Variants in CYP39A1 observed in about 807,000 individuals in gnomAD.
CYP39A1 encodes cytochrome P450 family 39 subfamily A member 1, also known as 24-hydroxycholesterol 7-alpha-hydroxylase.
A neutral mutation model predicts 58.1 loss-of-function variants in CYP39A1; 49 were observed. The ratio of observed to expected loss-of-function variants is 0.84; its 90% CI spans 0.67 to 1.07. The LOEUF is 1.07. Among genes scored for constraint, CYP39A1 ranks in the 50% least tolerant of loss-of-function variants. CYP39A1 has a pLI of 0.00. For synonymous variants in CYP39A1, 209 were observed against 187.6 expected (o/e 1.11, Z -0.93); for missense variants, 531 against 539.4 (o/e 0.98, Z 0.16).
At chr6:46,650,253 A>T (rs1762592881) in intron 1 of CYP39A1, among the ~76,000 whole-genome samples, 2 of 151,972 alleles carry the variant, frequency 1.3e-5, no homozygotes, top group South Asian at 4.2e-4. Flanking sequence ...GACTTGAGAA[A>T]ACAGTGAAAA....
At chr6:46,603,364 C>A (rs1773632941) in intron 7 of CYP39A1, among the ~76,000 whole-genome samples, 1 of 152,198 alleles carries the variant, frequency 6.6e-6, no homozygotes, top group Non-Finnish European at 1.5e-5. Context: ...ATAAATTGAC[C>A]ATTTTCTGTG....
chr6:46,571,552 G>A (rs971075529), intron 10 of CYP39A1, among the ~76,000 whole-genome samples: 1 of 151,668 alleles, frequency 6.6e-6, no homozygotes, highest in Non-Finnish European at 1.5e-5. Context: ...GCTGTCTTTT[G>A]GTTTACATTT....
At chr6:46,570,361 C>T (rs1582309727) in intron 10 of CYP39A1, among the ~76,000 whole-genome samples, 1 of 152,088 alleles carries the variant, frequency 6.6e-6, no homozygotes, top group South Asian at 2.1e-4. Context: ...TTCCATATGT[C>T]TGCCAACTTT....
At chr6:46,564,065 T>C (rs896411489) in intron 10 of CYP39A1, among the ~76,000 whole-genome samples, 2 of 151,786 alleles carry the variant, frequency 1.3e-5, no homozygotes, top group Non-Finnish European at 2.9e-5. Context: ...CATCTGATGC[T>C]GAGGTGAAGG....
At chr6:46,608,854 T>C (rs1414745213) in intron 7 of CYP39A1, among the ~76,000 whole-genome samples, 1 of 151,904 alleles carries the variant, frequency 6.6e-6, no homozygotes, top group Non-Finnish European at 1.5e-5. Flanking sequence ...CCTCAGGTGA[T>C]CCACCCACCT....
intron 7 of CYP39A1, among the ~76,000 whole-genome samples, chr6:46,598,525 G>A (rs1401573072): frequency 9.2e-5 from 14 of 152,082 alleles, no homozygotes. Flanking sequence ...ATTTTACTTA[G>A]TTTACATTTT....
rs376831592 is a variant in CYP39A1, at chr6:46,651,113, A to T, written c.177+1293T>A. Among the ~76,000 whole-genome samples, 8 of 152,370 alleles carry T rather than the reference A, an allele frequency of 5.3e-5. No homozygotes were observed. The East Asian group carries it at 1.4e-3, about 26-fold the overall frequency. On this transcript the variant is annotated intron_variant, in intron 1 of 11. Coordinates refer to ENST00000275016, the MANE Select transcript of CYP39A1 (RefSeq NM_016593.5). ...ATACTTCTTTTTCCAAAAGTAACAC[A>T]TTCATATAAACAATTTAAGTGTGCA...
intron 7 of CYP39A1, among the ~76,000 whole-genome samples, chr6:46,610,992 A>G (rs183523495): frequency 7.2e-5 from 11 of 152,228 alleles, no homozygotes; most frequent in Admixed American, 1.3e-4. Context: ...TGGTGAATAC[A>G]GACTGGGGAA....
Position 46,550,151 on chromosome 6 carries a change from C to A in CYP39A1, c.*215G>T. 2.6e-6 allele frequency: 1 copy of A among 379,780 alleles called. No individual in the cohort carries two copies. The highest frequency in any genetic ancestry group is 4.7e-6 in the Non-Finnish European group (1 of 213,310). 23.5% of individuals were successfully genotyped at this position (379,780 alleles called of 1,614,324 possible). On this transcript the variant is annotated 3_prime_UTR_variant, in exon 12 of 12. Coordinates refer to ENST00000275016, the MANE Select transcript of CYP39A1 (RefSeq NM_016593.5). ...GGATCATTTGATCATTTCCTATAAA[C>A]CATGTATTCCGGTCTCTATATTACT...
intron 1 of CYP39A1, among the ~76,000 whole-genome samples, chr6:46,644,610 C>G (rs552803168): frequency 6.6e-6 from 1 of 152,266 alleles, no homozygotes; most frequent in Admixed American, 6.5e-5. Flanking sequence ...CCATAAACAT[C>G]CATATCTGGG....
Position 46,616,179 on chromosome 6 carries a change from CTTTCTTTCTTCT to C in CYP39A1, c.931+9227_931+9238del, listed in dbSNP as rs1561994052. Among the ~76,000 whole-genome samples the C allele has an allele frequency of 5.3e-4, 16 of 30,358 alleles. 1 individual carries two copies. Among genetic ancestry groups the C allele is most frequent in the East Asian group, 1.0e-3 (1 of 978 alleles). The allele number at this position is 30,358 out of a possible 152,430, so 19.9% of individuals were successfully genotyped here. A position where few individuals can be genotyped will look rare whatever the true frequency, so the allele number is the denominator to read the frequency against. ...TTCTTTCTTTTTTCTTTCTTTCTTT[CTTTCTTTCTTCT>C]TTCCCTCCCTCCCTCCCTCCCTCCC... On this transcript the variant is annotated intron_variant, in intron 7 of 11. Coordinates refer to ENST00000275016, the MANE Select transcript of CYP39A1 (RefSeq NM_016593.5).
intron 4 of CYP39A1, 148 bp from the exon 5 acceptor site, chr6:46,636,630 C>G (rs1352891555): frequency 1.6e-6 from 1 of 609,018 alleles, no homozygotes; most frequent in Non-Finnish European, 2.8e-6. Flanking sequence ...GAAGGTCTAC[C>G]TTCGGAATGA....
intron 1 of CYP39A1, among the ~76,000 whole-genome samples, chr6:46,647,815 T>C (rs1048551145): frequency 6.6e-6 from 1 of 152,214 alleles, no homozygotes; most frequent in Non-Finnish European, 1.5e-5. Flanking sequence ...GCCCACTTTT[T>C]GATGGGGTTG....
At chr6:46,570,075 C>T (rs941032213) in intron 10 of CYP39A1, among the ~76,000 whole-genome samples, 1 of 151,938 alleles carries the variant, frequency 6.6e-6, no homozygotes, top group Non-Finnish European at 1.5e-5. Context: ...CTTTATAATT[C>T]AGTCTTGGTA....
Position 46,621,581 on chromosome 6 carries a change from T to C in CYP39A1, c.931+3837A>G, listed in dbSNP as rs79235732. On this transcript the variant is annotated intron_variant, in intron 7 of 11. Transcript: ENST00000275016. ...GATAATCTAGATGAAATGGACATAG[T>C]CCTAAAAAGACATAAAGTATAAAAC... is the stretch of plus-strand genomic sequence containing the variant. 6.7e-3 allele frequency among the ~76,000 whole-genome samples: 1,014 copies of C among 152,074 alleles called. 9 individuals are homozygous for C. The highest frequency in any genetic ancestry group is 0.023 in the African/African-American group (956 of 41,530).
intron 10 of CYP39A1, among the ~76,000 whole-genome samples, chr6:46,560,261 T>C (rs1770906268): frequency 6.6e-6 from 1 of 152,052 alleles, no homozygotes; most frequent in African/African-American, 2.4e-5. Context: ...GAATAAAATA[T>C]AGGGTGAGAT....
Position 46,550,389 on chromosome 6 carries a change from T to C in CYP39A1, c.1387A>G (p.Ile463Val), listed in dbSNP as rs1369276511. The C allele has an allele frequency of 7.4e-6, 12 of 1,612,846 alleles. No homozygotes were observed. Among genetic ancestry groups the C allele is most frequent in the Non-Finnish European group, 1.0e-5 (12 of 1,179,534 alleles). The change falls in exon 12 of 12, where the codon ATT becomes GTT. Residue 463 changes from isoleucine (I) to valine (V), a missense_variant. Coordinates refer to ENST00000275016, the MANE Select transcript of CYP39A1 (RefSeq NM_016593.5). ...TGTCATATTCTTTGTTTATATTCAA[T>C]TCGGCATTGCCCTTCCGGCTGGGGG... ...GVPQPEGQCR[I>V]EYKQRI
At chr6:46,641,550 C>G (rs1210258978) in intron 2 of CYP39A1, among the ~76,000 whole-genome samples, 1 of 152,006 alleles carries the variant, frequency 6.6e-6, no homozygotes, top group Non-Finnish European at 1.5e-5. Flanking sequence ...CAAATTGAAC[C>G]AGCTCTGCGT....
Position 46,641,939 on chromosome 6 carries a change from T to C in CYP39A1, c.313+224A>G, listed in dbSNP as rs73471140. Among the ~76,000 whole-genome samples, 796 of 152,320 alleles carry C rather than the reference T, an allele frequency of 5.2e-3. 6 individuals are homozygous for C. Among genetic ancestry groups the C allele is most frequent in the African/African-American group, 0.018 (755 of 41,576 alleles). Reference sequence around the variant, plus strand: ...CATCAATGAGGTAACCTTATCACTTTCACGTGTCTAATTCAAATCTAAATG... The same window carrying C: ...CATCAATGAGGTAACCTTATCACTTCCACGTGTCTAATTCAAATCTAAATG... On this transcript the variant is annotated intron_variant, in intron 2 of 11. Transcript: ENST00000275016.
Sources: allele counts gnomAD v4.1 joint callset (sites outside exome capture counted in the v4.1 genomes callset), GRCh38; gene constraint gnomAD v4.1.1; transcripts MANE v1.5; gene names NCBI Gene and HGNC (gene_info 2026-07-23, HGNC 2026-07-21).